ADAM32: variants seen among roughly 807,000 people sequenced by gnomAD.
ADAM32 encodes ADAM metallopeptidase domain 32.
In ADAM32, 89 loss-of-function variants were observed where a neutral mutation model predicts 114.9. The observed-to-expected ratio is 0.77, with a 90% CI of 0.65 to 0.92. ADAM32 has a LOEUF of 0.92. Among genes scored for constraint, ADAM32 ranks in the 40% least tolerant of loss-of-function variants. The pLI is 0.00. For synonymous variants in ADAM32, 285 were observed against 307.5 expected (o/e 0.93, Z 0.77); for missense variants, 870 against 932.8 (o/e 0.93, Z 0.88).
chr8:39,208,405 T>C (rs1053727447), intron 11 of ADAM32, among the ~76,000 whole-genome samples: 5 of 152,218 alleles, frequency 3.3e-5, no homozygotes, highest in African/African-American at 1.2e-4. Flanking sequence ...TTGTTTTCAA[T>C]ATCTTTGGCT....
At chr8:39,220,343 A>G (rs951514565) in intron 12 of ADAM32, among the ~76,000 whole-genome samples, 2 of 152,106 alleles carry the variant, frequency 1.3e-5, no homozygotes, top group African/African-American at 2.4e-5. Flanking sequence ...TACATATAAG[A>G]TGGATCTCTT....
chr8:39,113,632 A>G (rs1209064759), intron 1 of ADAM32, among the ~76,000 whole-genome samples: 1 of 152,050 alleles, frequency 6.6e-6, no homozygotes, highest in African/African-American at 2.4e-5. Context: ...GGTTGTAACT[A>G]TCCCTTAACC....
intron 20 of ADAM32, among the ~76,000 whole-genome samples, chr8:39,273,616 C>T (rs1419537075): frequency 6.6e-6 from 1 of 152,200 alleles, no homozygotes; most frequent in African/African-American, 2.4e-5. Context: ...GTATTTTGTA[C>T]TGTACATAAT....
In ADAM32 at chr8:39,260,424, A is replaced by T. The variant is rs1050135656; in HGVS notation, c.2162+3081A>T. 1.1e-4 allele frequency among the ~76,000 whole-genome samples: 17 copies of T among 152,236 alleles called. 1 individual carries two copies. The highest frequency in any genetic ancestry group is 4.6e-4 in the Admixed American group (7 of 15,304). On this transcript the variant is annotated intron_variant, in intron 19 of 24. Transcript: ENST00000379907. ...TGATCTTAGGCCAAAACTTTTATTG[A>T]TAGCTTTTCACTGTTAAGTTTAATG...
Position 39,221,651 on chromosome 8 carries a change from A to G in ADAM32, c.1275A>G (p.Val425=). 6.2e-7 allele frequency: 1 copy of G among 1,612,398 alleles called. No individual in the cohort carries two copies. The highest frequency in any genetic ancestry group is 8.5e-7 in the Non-Finnish European group (1 of 1,178,950). ...GCTGTTGTGATTTTCGAACTTGTGT[A>G]CTGAAAGACGGAGCAAAATGTTATA... ...PASCCDFRTC[V]LKDGAKCYKG... Residue 425 remains valine, a synonymous_variant, in exon 13 of 25, where the codon GTA becomes GTG. Coordinates refer to ENST00000379907, the MANE Select transcript of ADAM32 (RefSeq NM_145004.7).
intron 10 of ADAM32, among the ~76,000 whole-genome samples, chr8:39,174,343 C>T (rs1206937886): frequency 1.3e-5 from 2 of 152,194 alleles, no homozygotes; most frequent in African/African-American, 4.8e-5. Context: ...TGTACCAGTA[C>T]GATGCTGTTT....
intron 12 of ADAM32, among the ~76,000 whole-genome samples, chr8:39,219,810 T>A (rs1808828768): frequency 1.3e-5 from 2 of 152,206 alleles, no homozygotes; most frequent in Admixed American, 1.3e-4. Context: ...AGTGTATGGT[T>A]GGTATAATTT....
At chr8:39,140,035 A>T (rs1457444698) in intron 3 of ADAM32, among the ~76,000 whole-genome samples, 1 of 152,180 alleles carries the variant, frequency 6.6e-6, no homozygotes, top group Non-Finnish European at 1.5e-5. Flanking sequence ...GTATCCTGAG[A>T]CTTTGCTGAA....
chr8:39,227,000 A>G (rs1461655936), intron 14 of ADAM32, among the ~76,000 whole-genome samples: 1 of 152,224 alleles, frequency 6.6e-6, no homozygotes, highest in Non-Finnish European at 1.5e-5. Flanking sequence ...ATGGATCATC[A>G]TGGCGGATGG....
At chr8:39,164,449 A>G (rs1283006892) in intron 7 of ADAM32, among the ~76,000 whole-genome samples, 2 of 152,186 alleles carry the variant, frequency 1.3e-5, no homozygotes, top group Non-Finnish European at 2.9e-5. Context: ...ATGTACAAGT[A>G]TTTGCGTGAG....
At chr8:39,170,894 A>T (rs1244192349) in intron 10 of ADAM32, among the ~76,000 whole-genome samples, 2 of 152,074 alleles carry the variant, frequency 1.3e-5, no homozygotes, top group Non-Finnish European at 2.9e-5. Context: ...GAAGTTGAGT[A>T]ATGGGTACAA....
At chr8:39,238,883 AATAAAAC>A (rs904721251) in intron 16 of ADAM32, among the ~76,000 whole-genome samples, 2 of 152,000 alleles carry the variant, frequency 1.3e-5, no homozygotes, top group East Asian at 1.9e-4. Context: ...AAAAATAAAA[AATAAAAC>A]AATGAACAAA....
At chr8:39,163,319 T>A (rs1198434498) in intron 7 of ADAM32, among the ~76,000 whole-genome samples, 1 of 152,178 alleles carries the variant, frequency 6.6e-6, no homozygotes, top group Non-Finnish European at 1.5e-5. Context: ...TAGGGGGCAC[T>A]CTCCATCATT....
At chr8:39,249,081 T>A (rs1811122058) in intron 17 of ADAM32, among the ~76,000 whole-genome samples, 1 of 151,952 alleles carries the variant, frequency 6.6e-6, no homozygotes, top group Non-Finnish European at 1.5e-5. Flanking sequence ...TTTTTTTGTA[T>A]TTTTAGTAGA....
Position 39,284,843 on chromosome 8 carries a change from A to ACG in ADAM32, c.*44_*45insCG. The ACG allele has an allele frequency of 6.2e-7, 1 of 1,608,804 alleles. No homozygotes were observed. Among genetic ancestry groups the ACG allele is most frequent in the Non-Finnish European group, 8.5e-7 (1 of 1,175,518 alleles). ...ACGGATAACATCGAGAGTCTCGCTA[A>ACG]GAAATGAAAATTCTGTCTTTCCTTC... On this transcript the variant is annotated 3_prime_UTR_variant, in exon 25 of 25. Coordinates refer to ENST00000379907, the MANE Select transcript of ADAM32 (RefSeq NM_145004.7).
intron 17 of ADAM32, among the ~76,000 whole-genome samples, chr8:39,252,275 A>G (rs935907943): frequency 4.0e-5 from 6 of 151,744 alleles, no homozygotes; most frequent in Admixed American, 6.6e-5. Flanking sequence ...ACTAGATTGA[A>G]GCTAGAAGTT....
At chr8:39,185,778 A>G (rs1205986874) in intron 10 of ADAM32, among the ~76,000 whole-genome samples, 1 of 152,200 alleles carries the variant, frequency 6.6e-6, no homozygotes, top group Non-Finnish European at 1.5e-5. Flanking sequence ...AGAGCAGTAC[A>G]TTGATACTTC....
At chr8:39,187,155 T>C in intron 11 of ADAM32, 110 bp downstream of exon 11, 1 of 917,514 alleles carries the variant, frequency 1.1e-6, no homozygotes, top group Non-Finnish European at 1.6e-6. Flanking sequence ...TGGACCAAAT[T>C]CACCAAGTAT....
intron 19 of ADAM32, among the ~76,000 whole-genome samples, chr8:39,261,700 C>A (rs577045641): frequency 3.3e-5 from 5 of 152,230 alleles, no homozygotes; most frequent in East Asian, 1.9e-4. Context: ...TGCATTCTTG[C>A]CAGCATTTGT....
Sources: allele counts gnomAD v4.1 joint callset (sites outside exome capture counted in the v4.1 genomes callset), GRCh38; gene constraint gnomAD v4.1.1; transcripts MANE v1.5; gene names NCBI Gene and HGNC (gene_info 2026-07-23, HGNC 2026-07-21).